The following GRIN2B variants were observed in gnomAD, a reference collection of about 807,000 sequenced individuals.
GRIN2B encodes glutamate receptor ionotropic, NMDA 2B.
In GRIN2B, 5 loss-of-function variants were observed where a neutral mutation model predicts 114.5. That is an observed-to-expected ratio of 0.04 (90% CI 0.02 to 0.09). GRIN2B has a LOEUF of 0.09. Ranked by LOEUF, GRIN2B falls within the 10% of genes least tolerant of loss-of-function variation. The pLI is 1.00. For synonymous variants in GRIN2B, 787 were observed against 745.1 expected (o/e 1.06, Z -0.92); for missense variants, 1,108 against 1,943.5 (o/e 0.57, Z 8.08).
At chr12:13,962,718 G>A (rs191009372) in intron 2 of GRIN2B, among the ~76,000 whole-genome samples, 2 of 152,310 alleles carry the variant, frequency 1.3e-5, no homozygotes, top group Non-Finnish European at 2.9e-5. Flanking sequence ...AGGCTGGCAG[G>A]CGGGCGGGCG....
chr12:13,638,705 A>G (rs959456637), intron 5 of GRIN2B, among the ~76,000 whole-genome samples: 3 of 152,270 alleles, frequency 2.0e-5, no homozygotes, highest in African/African-American at 7.2e-5. Context: ...CACAGATGTC[A>G]GCCCTTGACA....
At chr12:13,706,376 C>G (rs1950360245) in intron 4 of GRIN2B, among the ~76,000 whole-genome samples, 1 of 152,156 alleles carries the variant, frequency 6.6e-6, no homozygotes, top group Admixed American at 6.5e-5. Context: ...TAAACTCATA[C>G]TTTCCCAGTG....
intron 10 of GRIN2B, among the ~76,000 whole-genome samples, chr12:13,572,369 C>T (rs1948718528): frequency 6.6e-6 from 1 of 152,088 alleles, no homozygotes; most frequent in Non-Finnish European, 1.5e-5. Context: ...CTCTTAAAGG[C>T]CTAAATACAC....
chr12:13,690,680 C>T (rs1449569534), intron 4 of GRIN2B, among the ~76,000 whole-genome samples: 1 of 152,178 alleles, frequency 6.6e-6, no homozygotes, highest in Admixed American at 6.5e-5. Context: ...TTGGAGAGAG[C>T]TGACACAGGA....
intron 3 of GRIN2B, among the ~76,000 whole-genome samples, chr12:13,818,299 C>T (rs1340032283): frequency 6.6e-6 from 1 of 152,208 alleles, no homozygotes; most frequent in Non-Finnish European, 1.5e-5. Context: ...CATACTGGAA[C>T]CAAAGGCCAT....
At chr12:13,836,161 A>C (rs1237176481) in intron 3 of GRIN2B, among the ~76,000 whole-genome samples, 1 of 152,212 alleles carries the variant, frequency 6.6e-6, no homozygotes, top group Non-Finnish European at 1.5e-5. Context: ...CTGCCAGCCC[A>C]GTACTCCTCA....
chr12:13,653,314 T>A (rs112471361), intron 5 of GRIN2B, among the ~76,000 whole-genome samples: 3,096 of 152,148 alleles, frequency 0.02, 110 homozygotes, highest in African/African-American at 0.071. Context: ...GGGGTCTCTG[T>A]GAGACATAAA....
chr12:13,572,203 G>GCCCAA (rs1473007083), intron 10 of GRIN2B, among the ~76,000 whole-genome samples: 6 of 152,082 alleles, frequency 3.9e-5, no homozygotes, highest in Admixed American at 2.6e-4. Context: ...ATTTCTATTT[G>GCCCAA]CCCAACCCTG....
chr12:13,623,449 C>G (rs1006357894), intron 5 of GRIN2B, among the ~76,000 whole-genome samples: 3 of 152,208 alleles, frequency 2.0e-5, no homozygotes, highest in African/African-American at 7.2e-5. Context: ...ACACTCTCAC[C>G]AGCACTAAGT....
At chr12:13,791,754 C>T (rs220555) in intron 3 of GRIN2B, among the ~76,000 whole-genome samples, 2,446 of 152,132 alleles carry the variant, frequency 0.016, 66 homozygotes, top group African/African-American at 0.055. Context: ...ATAATGAAAT[C>T]AAGGTAATTA....
intron 5 of GRIN2B, among the ~76,000 whole-genome samples, chr12:13,650,232 C>A: frequency 6.6e-6 from 1 of 152,050 alleles, no homozygotes; most frequent in Non-Finnish European, 1.5e-5. Context: ...ACACTCCCTT[C>A]ATATGAAAGT....
At chr12:13,958,619 A>G (rs1867635781) in intron 2 of GRIN2B, among the ~76,000 whole-genome samples, 2 of 151,928 alleles carry the variant, frequency 1.3e-5, no homozygotes, top group Non-Finnish European at 2.9e-5. Context: ...TTCTCATACC[A>G]CATGTCTCAT....
chr12:13,810,048 C>T (rs182650565), intron 3 of GRIN2B, among the ~76,000 whole-genome samples: 14 of 152,198 alleles, frequency 9.2e-5, no homozygotes, highest in Admixed American at 8.5e-4. Flanking sequence ...AGAGAGCTCC[C>T]CATTCTTTCC....
rs1416719215 is a variant in GRIN2B at position 13,834,790 on chromosome 12, T to C, written c.411+31008A>G. On this transcript the variant is annotated intron_variant, in intron 3 of 13. Coordinates refer to ENST00000609686, the MANE Select transcript of GRIN2B (RefSeq NM_000834.5). Reference sequence around the variant, plus strand: ...CTGTCTTCCAAAAGCAATCACCATCTAAGCCAGTAAATCTCAACTTCTGTA... The same window carrying C: ...CTGTCTTCCAAAAGCAATCACCATCCAAGCCAGTAAATCTCAACTTCTGTA... Among the ~76,000 whole-genome samples, 3 of 152,246 alleles carry C rather than the reference T, an allele frequency of 2.0e-5. No individual in the cohort carries two copies. The South Asian group carries it at 6.2e-4, about 31-fold the overall frequency.
intron 5 of GRIN2B, among the ~76,000 whole-genome samples, chr12:13,630,091 T>A (rs1039151592): frequency 6.6e-6 from 1 of 152,168 alleles, no homozygotes; most frequent in African/African-American, 2.4e-5. Context: ...TTTTCTTTTA[T>A]CCCCAATACC....
intron 3 of GRIN2B, among the ~76,000 whole-genome samples, chr12:13,841,186 T>C (rs79750856): frequency 0.028 from 4,247 of 152,252 alleles, 94 homozygotes; most frequent in Non-Finnish European, 0.042. Context: ...GAGATGCAAT[T>C]CTCATTGTAT....
intron 2 of GRIN2B, among the ~76,000 whole-genome samples, chr12:13,867,850 T>C (rs80158688): frequency 0.045 from 6,657 of 149,392 alleles, 207 homozygotes; most frequent in Admixed American, 0.071. Context: ...AGAGAGAGCA[T>C]ACAATCAAGG....
At chr12:13,894,691 A>G (rs1405577275) in intron 2 of GRIN2B, among the ~76,000 whole-genome samples, 1 of 152,160 alleles carries the variant, frequency 6.6e-6, no homozygotes, top group African/African-American at 2.4e-5. Flanking sequence ...TTGCTTAAGT[A>G]TATATACCAG....
intron 4 of GRIN2B, among the ~76,000 whole-genome samples, chr12:13,749,837 T>C (rs1446770517): frequency 3.9e-5 from 6 of 152,192 alleles, no homozygotes; most frequent in African/African-American, 1.4e-4. Context: ...TTCTGGATCC[T>C]GATAGGAAAC....
Sources: allele counts gnomAD v4.1 joint callset (sites outside exome capture counted in the v4.1 genomes callset), GRCh38; gene constraint gnomAD v4.1.1; transcripts MANE v1.5; gene names NCBI Gene and HGNC (gene_info 2026-07-23, HGNC 2026-07-21).